Variants in CTNNA2 observed in about 807,000 individuals in gnomAD.
CTNNA2 encodes the protein catenin alpha 2, also known as catenin alpha-2.
In CTNNA2, 42 loss-of-function variants were observed where a neutral mutation model predicts 101.0. The observed-to-expected ratio is 0.42, with a 90% confidence interval of 0.32 to 0.54. The LOEUF (loss-of-function observed/expected upper bound fraction) is 0.54, where lower values mean the gene tolerates loss of function less well. Among genes scored for constraint, CTNNA2 ranks in the 20% least tolerant of loss-of-function variants. CTNNA2 has a pLI of 0.14. For missense variants in CTNNA2, 871 were observed against 1,223.1 expected (o/e 0.71, Z 4.29); for synonymous variants, 450 against 456.4 (o/e 0.99, Z 0.18).
At chr2:80,196,335 C>A (rs1706831450) in intron 7 of CTNNA2, among the ~76,000 whole-genome samples, 1 of 152,106 alleles carries the variant, frequency 6.6e-6, no homozygotes, top group Non-Finnish European at 1.5e-5. Context: ...GCATTGCCAG[C>A]CATCATTTCA....
At chr2:80,391,130 A>C in intron 7 of CTNNA2, among the ~76,000 whole-genome samples, 1 of 147,518 alleles carries the variant, frequency 6.8e-6, no homozygotes, top group Non-Finnish European at 1.5e-5. Flanking sequence ...CGACTGTCTC[A>C]GAAAAAAAAA....
At chr2:79,651,460 C>T (rs996421442) in intron 1 of CTNNA2, 92 bp from the exon 2 acceptor site, 2 of 1,223,196 alleles carry the variant, frequency 1.6e-6, no homozygotes, top group Admixed American at 3.7e-5. Context: ...CCAGTATGTT[C>T]TAAGTTTCAG....
chr2:79,702,928 C>G (rs578129180), intron 2 of CTNNA2, among the ~76,000 whole-genome samples: 19 of 152,266 alleles, frequency 1.2e-4, no homozygotes, highest in African/African-American at 4.3e-4. Context: ...GTGTCCTCGC[C>G]CTCTCTGCAG....
rs539432401 is a variant in CTNNA2, at chr2:80,487,428, G to T, written c.1291-57554G>T. Among the ~76,000 whole-genome samples the T allele has an allele frequency of 3.9e-5, 6 of 152,212 alleles. No homozygotes were observed. The South Asian group carries it at 1.2e-3, about 32-fold the overall frequency. On this transcript the variant is annotated intron_variant, in intron 9 of 18. Coordinates refer to ENST00000402739, the MANE Select transcript of CTNNA2 (RefSeq NM_001282597.3). ...AATTGACTCACAGTTCTGCAGGGCT[G>T]GGGAGGCCTCAGAAAACTTATAATC...
chr2:79,878,269 G>A (rs1024477953), intron 6 of CTNNA2, among the ~76,000 whole-genome samples: 2 of 152,180 alleles, frequency 1.3e-5, no homozygotes, highest in Admixed American at 1.3e-4. Flanking sequence ...TAGTGCTGCA[G>A]TAAACATACA....
intron 7 of CTNNA2, among the ~76,000 whole-genome samples, chr2:80,378,444 TACACACACAC>T (rs3040572): frequency 1.4e-5 from 2 of 147,800 alleles, no homozygotes; most frequent in East Asian, 2.0e-4. Flanking sequence ...ACTTGCAGTA[TACACACACAC>T]ACACACACAC....
intron 3 of CTNNA2, among the ~76,000 whole-genome samples, chr2:79,778,710 T>C (rs1674189993): frequency 6.6e-6 from 1 of 152,208 alleles, no homozygotes; most frequent in South Asian, 2.1e-4. Context: ...TGGAATTAGA[T>C]TACATTTTCC....
At chr2:79,944,720 A>C (rs1002087000) in intron 7 of CTNNA2, among the ~76,000 whole-genome samples, 1 of 152,228 alleles carries the variant, frequency 6.6e-6, no homozygotes, top group Admixed American at 6.5e-5. Context: ...ATCCTGGAGT[A>C]GAAGGGTGAA....
intron 9 of CTNNA2, among the ~76,000 whole-genome samples, chr2:80,466,944 C>T (rs185194382): frequency 3.9e-5 from 6 of 152,268 alleles, no homozygotes; most frequent in Admixed American, 1.3e-4. Flanking sequence ...GTACCAGGTA[C>T]GTGTAAGCTA....
chr2:79,851,056 C>T (rs1297572264), intron 3 of CTNNA2, among the ~76,000 whole-genome samples: 1 of 152,146 alleles, frequency 6.6e-6, no homozygotes, highest in African/African-American at 2.4e-5. Context: ...ACCTGCTTAC[C>T]TCATCTTTTC....
At chr2:80,417,083 A>G (rs1174776240) in intron 8 of CTNNA2, among the ~76,000 whole-genome samples, 1 of 151,906 alleles carries the variant, frequency 6.6e-6, no homozygotes, top group Non-Finnish European at 1.5e-5. Flanking sequence ...ATTACGGGTC[A>G]GTCTTCTCAG....
At chr2:79,483,311 C>T (rs1215147509) in intron 4 of CTNNA2, among the ~76,000 whole-genome samples, 1 of 152,212 alleles carries the variant, frequency 6.6e-6, no homozygotes, top group African/African-American at 2.4e-5. Context: ...TACCGCATAA[C>T]AAATTACCTC....
At chr2:79,266,808 G>T (rs17016663) in intron 2 of CTNNA2, among the ~76,000 whole-genome samples, 1 of 151,964 alleles carries the variant, frequency 6.6e-6, no homozygotes, top group African/African-American at 2.4e-5. Flanking sequence ...TGCCCTCAGT[G>T]CTCCAGAGGA....
At chr2:80,577,866 G>C (rs170059) in intron 13 of CTNNA2, among the ~76,000 whole-genome samples, 81,582 of 151,870 alleles carry the variant, frequency 0.54, 22,279 homozygotes, top group East Asian at 0.63. Flanking sequence ...CATTTGGGCC[G>C]TTTCTTTCAA....
intron 7 of CTNNA2, among the ~76,000 whole-genome samples, chr2:80,177,984 G>A (rs1573310919): frequency 6.6e-6 from 1 of 152,242 alleles, no homozygotes; most frequent in Non-Finnish European, 1.5e-5. Context: ...GAAAGGGGCT[G>A]TAGTGCTGCA....
At chr2:80,127,057 T>TTAAAA (rs1251130030) in intron 7 of CTNNA2, among the ~76,000 whole-genome samples, 9 of 152,138 alleles carry the variant, frequency 5.9e-5, no homozygotes, top group Admixed American at 3.9e-4. Context: ...GGAAACATTT[T>TTAAAA]TGGAGAAAAC....
At chr2:79,960,913 C>A (rs1050821022) in intron 7 of CTNNA2, among the ~76,000 whole-genome samples, 6 of 152,318 alleles carry the variant, frequency 3.9e-5, no homozygotes, top group African/African-American at 1.4e-4. Flanking sequence ...TTTGTAGGAG[C>A]TCCCAGTTCA....
intron 9 of CTNNA2, among the ~76,000 whole-genome samples, chr2:80,425,336 T>C (rs1680899428): frequency 6.6e-6 from 1 of 152,324 alleles, no homozygotes; most frequent in African/African-American, 2.4e-5. Flanking sequence ...GTTTTTGTTG[T>C]TAGTATTTTT....
chr2:80,033,921 A>C (rs1695471388), intron 7 of CTNNA2, among the ~76,000 whole-genome samples: 1 of 149,732 alleles, frequency 6.7e-6, no homozygotes, highest in African/African-American at 2.4e-5. Context: ...TTGGATTGTT[A>C]TCTTGAGCCA....
Sources: gnomAD v4.1 joint callset for allele counts (sites outside exome capture counted in the v4.1 genomes callset) on GRCh38, gnomAD v4.1.1 for gene constraint, MANE v1.5 for transcripts, NCBI Gene and HGNC (gene_info 2026-07-23, HGNC 2026-07-21) for gene names.